Variants in ZNF451 observed in about 807,000 individuals in gnomAD.
ZNF451 encodes E3 SUMO-protein ligase ZNF451.
ZNF451 carries 80 observed loss-of-function variants against 107.1 expected under a neutral mutation model. The ratio of observed to expected loss-of-function variants is 0.75; its 90% CI spans 0.62 to 0.90. The LOEUF is 0.90. Ranked by LOEUF, ZNF451 falls within the 40% of genes least tolerant of loss-of-function variation. The pLI is 0.00. For missense variants in ZNF451, 1,107 were observed against 1,236.2 expected, an observed-to-expected ratio of 0.90 and a Z score of 1.57; for synonymous variants, 362 against 406.5, an observed-to-expected ratio of 0.89 and a Z score of 1.32.
At chr6:57,138,721 A>ATGTGTG (rs1739012670) in intron 7 of ZNF451, among the ~76,000 whole-genome samples, 1 of 115,680 alleles carries the variant, frequency 8.6e-6, no homozygotes, top group Non-Finnish European at 1.8e-5. Context: ...ATATATATAT[A>ATGTGTG]TATATATATA....
chr6:57,157,713 G>A (rs145429591), intron 13 of ZNF451, among the ~76,000 whole-genome samples: 204 of 152,110 alleles, frequency 1.3e-3, no homozygotes, highest in Non-Finnish European at 2.1e-3. Flanking sequence ...TAACACTTAA[G>A]ATACATGGAT....
intron 6 of ZNF451, among the ~76,000 whole-genome samples, chr6:57,133,742 G>T (rs1831295014): frequency 6.6e-6 from 1 of 152,098 alleles, no homozygotes. Flanking sequence ...ATGGAGTGCA[G>T]TGCAGCTTCC....
intron 7 of ZNF451, among the ~76,000 whole-genome samples, chr6:57,135,449 A>G (rs912741017): frequency 1.3e-5 from 2 of 152,148 alleles, no homozygotes; most frequent in Non-Finnish European, 2.9e-5. Context: ...TCATTATGAA[A>G]AATTTTTAAA....
At chr6:57,128,655 C>T in intron 4 of ZNF451, 74 bp from the exon 5 acceptor site, 2 of 931,482 alleles carry the variant, frequency 2.1e-6, no homozygotes, top group Non-Finnish European at 3.4e-6. Context: ...TTTCTGATCA[C>T]TAATGTGTCA....
At chr6:57,149,909 A>G (rs1593160932) in intron 10 of ZNF451, among the ~76,000 whole-genome samples, 1 of 152,244 alleles carries the variant, frequency 6.6e-6, no homozygotes, top group East Asian at 1.9e-4. Flanking sequence ...GAAGTTAGAG[A>G]AAAGACGTAA....
intron 3 of ZNF451, among the ~76,000 whole-genome samples, chr6:57,110,690 G>A (rs777510056): frequency 3.3e-5 from 5 of 152,120 alleles, no homozygotes; most frequent in African/African-American, 7.2e-5. Context: ...GGAAAATAAA[G>A]TTACTTATAA....
chr6:57,107,909 G>T lies in ZNF451; in HGVS notation c.186+8768G>T, dbSNP rs1039376768. 62 of 724,574 alleles carry T rather than the reference G, an allele frequency of 8.6e-5. No homozygotes were observed. The African/African-American group carries it at 1.1e-3, about 13-fold the overall frequency. 44.9% of individuals were successfully genotyped at this position (724,574 alleles called of 1,614,324 possible). A position where few individuals can be genotyped will look rare whatever the true frequency, so the allele number is the denominator to read the frequency against. On this transcript the variant is annotated intron_variant, in intron 3 of 14. Transcript: ENST00000370706. ...GCTGGAGTACAGTGGTGAGATCACG[G>T]CTCACTGCAAGCTCTGCCTCCCGGG...
chr6:57,147,892 A>G lies in ZNF451; in HGVS notation c.1807A>G (p.Arg603Gly), dbSNP rs757083594. 59 of 1,614,102 alleles carry G rather than the reference A, an allele frequency of 3.7e-5. No individual in the cohort carries two copies. Among genetic ancestry groups the G allele is most frequent in the Non-Finnish European group, 4.9e-5 (58 of 1,179,972 alleles). The change falls in exon 10 of 15, where the codon AGG becomes GGG. Residue 603 changes from arginine (R) to glycine (G), a missense_variant. By Grantham distance (125) the Arg-to-Gly change is moderately radical. Coordinates refer to ENST00000370706, the MANE Select transcript of ZNF451 (RefSeq NM_001031623.3). ...IDHSPANSSP[R>G]GKWQCRICED... ...TCATTCCCCGGCAAATAGTTCTCCGAGGGGTAAATGGCAATGCCGGATTTG... is the reference window on the plus strand; with the variant it reads ...TCATTCCCCGGCAAATAGTTCTCCGGGGGGTAAATGGCAATGCCGGATTTG...
At chr6:57,125,205 G>C (rs1345082142) in intron 4 of ZNF451, among the ~76,000 whole-genome samples, 10 of 152,136 alleles carry the variant, frequency 6.6e-5, no homozygotes. Flanking sequence ...GATATAAGCT[G>C]TTGAAAGATT....
At position 57,160,771 on chromosome 6, in the gene ZNF451, G is replaced by A. The variant is rs115858865; in HGVS notation, c.3071-313G>A. 9.3e-3 allele frequency: 1,948 copies of A among 209,724 alleles called. 39 individuals carry two copies. Among genetic ancestry groups the A allele is most frequent in the African/African-American group, 0.041 (1,808 of 43,882 alleles). The allele number at this position is 209,724 out of a possible 1,614,324, so 13.0% of individuals were successfully genotyped here. ...AGTCATACCGTATTATAAAGCCTTC[G>A]GTCTCTTATTATGAAAGCACGTAAG... On this transcript the variant is annotated intron_variant, in intron 13 of 14. Coordinates refer to ENST00000370706, the MANE Select transcript of ZNF451 (RefSeq NM_001031623.3).
At chr6:57,167,015 T>G (rs1319430001) in intron 14 of ZNF451, among the ~76,000 whole-genome samples, 1 of 152,248 alleles carries the variant, frequency 6.6e-6, no homozygotes, top group East Asian at 1.9e-4. Context: ...GATATCTTTG[T>G]ATAGATGTTG....
At chr6:57,160,656 A>C (rs892417204) in intron 13 of ZNF451, among the ~76,000 whole-genome samples, 1 of 152,102 alleles carries the variant, frequency 6.6e-6, no homozygotes, top group Non-Finnish European at 1.5e-5. Context: ...TTTCTACCCC[A>C]GGACCTCTTG....
At chr6:57,157,996 A>G (rs1763509811) in intron 13 of ZNF451, among the ~76,000 whole-genome samples, 1 of 152,238 alleles carries the variant, frequency 6.6e-6, no homozygotes. Flanking sequence ...AAATATGTTG[A>G]AAGAACTTCT....
intron 6 of ZNF451, among the ~76,000 whole-genome samples, chr6:57,133,669 G>A (rs993774681): frequency 6.6e-6 from 1 of 152,102 alleles, no homozygotes; most frequent in East Asian, 1.9e-4. Flanking sequence ...TGAGTTTGGT[G>A]GTTTTTGTTT....
chr6:57,113,860 A>G (rs1266621138), intron 3 of ZNF451, among the ~76,000 whole-genome samples: 3 of 152,238 alleles, frequency 2.0e-5, no homozygotes, highest in African/African-American at 7.2e-5. Flanking sequence ...TGACCTCGTG[A>G]TCTGCCCACC....
At chr6:57,141,177 T>C (rs1831737624) in intron 7 of ZNF451, 125 bp from the exon 8 acceptor site, 1 of 755,104 alleles carries the variant, frequency 1.3e-6, no homozygotes, top group Admixed American at 3.9e-5. Context: ...GAAGAACATC[T>C]TTCATGTTAA....
rs961746386 is a variant in ZNF451, at chr6:57,168,708, G to A, written c.*239G>A. ...ATATAAATTATGTATTCTAATATAG[G>A]TGTAACAGTTTCCCAGTTAACTTTG... On this transcript the variant is annotated 3_prime_UTR_variant, in exon 15 of 15. Transcript: ENST00000370706. 4.7e-5 allele frequency: 19 copies of A among 407,792 alleles called. No homozygotes were observed. In the Admixed American group the frequency reaches 7.6e-4, roughly 16 times the overall value. 25.3% of individuals were successfully genotyped at this position (407,792 alleles called of 1,614,324 possible).
chr6:57,097,581 C>G (rs886937105), intron 2 of ZNF451, among the ~76,000 whole-genome samples: 2 of 152,192 alleles, frequency 1.3e-5, no homozygotes, highest in African/African-American at 4.8e-5. Context: ...TTAAAAATGT[C>G]TGGTTGCCAC....
chr6:57,135,936 G>A (rs1217740476), intron 7 of ZNF451, among the ~76,000 whole-genome samples: 2 of 152,164 alleles, frequency 1.3e-5, no homozygotes, highest in Admixed American at 1.3e-4. Context: ...TACCTGGAAA[G>A]TAACATGGAG....
Sources: gnomAD v4.1 joint callset for allele counts (sites outside exome capture counted in the v4.1 genomes callset) on GRCh38, gnomAD v4.1.1 for gene constraint, MANE v1.5 for transcripts, NCBI Gene and HGNC (gene_info 2026-07-23, HGNC 2026-07-21) for gene names.